Variants in BLOC1S5 observed in about 807,000 individuals in gnomAD.
BLOC1S5 encodes biogenesis of lysosome-related organelles complex 1 subunit 5.
BLOC1S5 carries 27 observed loss-of-function variants against 24.3 expected under a neutral mutation model. That is an observed-to-expected ratio of 1.11 (90% confidence interval 0.82 to 1.53). The LOEUF (loss-of-function observed/expected upper bound fraction) is 1.53, where lower values mean the gene tolerates loss of function less well. Ranked by LOEUF, BLOC1S5 falls within the 40% of genes most tolerant of loss-of-function variation. The pLI is 0.00. For missense variants in BLOC1S5, 239 were observed against 229.4 expected (o/e 1.04, Z -0.27); for synonymous variants, 84 against 74.5 (o/e 1.13, Z -0.66).
At chr6:8,050,551 G>A (rs964674244) in intron 2 of BLOC1S5, among the ~76,000 whole-genome samples, 11 of 151,944 alleles carry the variant, frequency 7.2e-5, no homozygotes, top group African/African-American at 1.9e-4. Context: ...CAGGATGAAC[G>A]CGAGGCCTTT....
At chr6:8,025,563 T>C (rs1581399393) in intron 4 of BLOC1S5, among the ~76,000 whole-genome samples, 1 of 152,164 alleles carries the variant, frequency 6.6e-6, no homozygotes, top group Non-Finnish European at 1.5e-5. Context: ...ACATCAACAT[T>C]TAGATTTGAG....
At chr6:8,054,290 T>C (rs755044216) in intron 2 of BLOC1S5, 17 of 451,218 alleles carry the variant, frequency 3.8e-5, no homozygotes, top group South Asian at 1.4e-4. Context: ...TATTTTCTGA[T>C]AGTTACACTA....
At chr6:8,064,164 G>A (rs937123591) in intron 1 of BLOC1S5, 101 bp downstream of exon 1, 10 of 1,002,372 alleles carry the variant, frequency 1.0e-5, no homozygotes, top group South Asian at 1.9e-5. Flanking sequence ...ACGCACGCGC[G>A]CCAGCCCGGG....
chr6:8,017,385 A>AACACACACACACACAC (rs59166291), intron 4 of BLOC1S5, among the ~76,000 whole-genome samples: 2 of 149,520 alleles, frequency 1.3e-5, no homozygotes, highest in Non-Finnish European at 3.0e-5. Context: ...CTCAAAAACA[A>AACACACACACACACAC]ACACACACAC....
chr6:8,029,128 ACACGT>A (rs1301870925), intron 3 of BLOC1S5, among the ~76,000 whole-genome samples: 7 of 151,910 alleles, frequency 4.6e-5, no homozygotes, highest in African/African-American at 1.7e-4. Flanking sequence ...CCTCAAATAC[ACACGT>A]AAGAAAATAA....
At chr6:8,055,336 G>A (rs1764271197) in intron 2 of BLOC1S5, among the ~76,000 whole-genome samples, 1 of 152,214 alleles carries the variant, frequency 6.6e-6, no homozygotes, top group Non-Finnish European at 1.5e-5. Context: ...TTGGGAGGCT[G>A]AAGCAGGAGA....
intron 4 of BLOC1S5, among the ~76,000 whole-genome samples, chr6:8,023,030 C>G (rs1348580186): frequency 6.6e-6 from 1 of 152,154 alleles, no homozygotes; most frequent in African/African-American, 2.4e-5. Flanking sequence ...TACTTCCAGT[C>G]TGGTTGAATA....
chr6:8,061,888 A>T lies in BLOC1S5; in HGVS notation c.195+646T>A, dbSNP rs1225158014. Among the ~76,000 whole-genome samples, 4 of 152,372 alleles carry T rather than the reference A, an allele frequency of 2.6e-5. No homozygotes were observed. The South Asian group carries it at 8.3e-4, about 32-fold the overall frequency. On this transcript the variant is annotated intron_variant, in intron 2 of 4. Coordinates refer to ENST00000397457, the MANE Select transcript of BLOC1S5 (RefSeq NM_201280.3). ...ATGTAAGGTAGAGTAGCAGGTGGTT[A>T]TGCTAGAAAAGCAGGAGCCAGGTCA...
At chr6:8,021,935 G>A (rs2113517686) in intron 4 of BLOC1S5, among the ~76,000 whole-genome samples, 1 of 152,182 alleles carries the variant, frequency 6.6e-6, no homozygotes, top group South Asian at 2.1e-4. Context: ...TTAGTAAAAT[G>A]TATACATTAA....
At chr6:8,039,647 T>G (rs1263070660) in intron 3 of BLOC1S5, among the ~76,000 whole-genome samples, 2 of 150,878 alleles carry the variant, frequency 1.3e-5, no homozygotes, top group Admixed American at 6.6e-5. Context: ...AAAAAGAAAA[T>G]AATTTCAGCT....
chr6:8,022,162 C>T (rs1762934970), intron 4 of BLOC1S5, among the ~76,000 whole-genome samples: 1 of 150,796 alleles, frequency 6.6e-6, no homozygotes, highest in Non-Finnish European at 1.5e-5. Context: ...CAATGGGGGG[C>T]AGGGGAGGGC....
intron 2 of BLOC1S5, among the ~76,000 whole-genome samples, chr6:8,051,003 C>T (rs886806236): frequency 1.3e-5 from 2 of 151,866 alleles, no homozygotes; most frequent in African/African-American, 4.8e-5. Flanking sequence ...TCTTGGCCAA[C>T]ATGGTGAAAC....
At chr6:8,019,203 T>C (rs1762836183) in intron 4 of BLOC1S5, among the ~76,000 whole-genome samples, 1 of 152,078 alleles carries the variant, frequency 6.6e-6, no homozygotes, top group Non-Finnish European at 1.5e-5. Context: ...CAAGAAGTTC[T>C]TACAGTCACT....
intron 2 of BLOC1S5, among the ~76,000 whole-genome samples, chr6:8,061,079 C>T (rs771717174): frequency 3.9e-5 from 6 of 152,112 alleles, no homozygotes; most frequent in African/African-American, 7.2e-5. Flanking sequence ...CTGCCCACCT[C>T]GGCCTCCCAA....
chr6:8,063,862 T>C (rs181952346), intron 1 of BLOC1S5, among the ~76,000 whole-genome samples: 95 of 152,240 alleles, frequency 6.2e-4, no homozygotes, highest in Non-Finnish European at 1.1e-3. Flanking sequence ...CAGGAACAGA[T>C]CGGGTAGGAG....
At chr6:8,031,608 GA>G (rs151232715) in intron 3 of BLOC1S5, among the ~76,000 whole-genome samples, 2 of 151,268 alleles carry the variant, frequency 1.3e-5, no homozygotes, top group Admixed American at 6.6e-5. Flanking sequence ...CACAGCACTA[GA>G]AAAAAAAATT....
At chr6:8,045,684 A>G (rs1763859325) in intron 2 of BLOC1S5, among the ~76,000 whole-genome samples, 1 of 152,242 alleles carries the variant, frequency 6.6e-6, no homozygotes. Context: ...CCTGGAGTCA[A>G]AGGGGATCAT....
chr6:8,027,670 C>T (rs564749208), intron 3 of BLOC1S5, among the ~76,000 whole-genome samples: 8 of 152,168 alleles, frequency 5.3e-5, no homozygotes, highest in African/African-American at 1.4e-4. Flanking sequence ...TCTGTCTCTA[C>T]TAAAAATACA....
intron 4 of BLOC1S5, among the ~76,000 whole-genome samples, chr6:8,024,532 A>AAAAG (rs1763044226): frequency 6.6e-6 from 1 of 151,286 alleles, no homozygotes; most frequent in Non-Finnish European, 1.5e-5. Context: ...AAAAAAAAAA[A>AAAAG]AAAGAAATGT....
Sources: allele counts gnomAD v4.1 joint callset (sites outside exome capture counted in the v4.1 genomes callset), GRCh38; gene constraint gnomAD v4.1.1; transcripts MANE v1.5; gene names NCBI Gene and HGNC (gene_info 2026-07-23, HGNC 2026-07-21).